Variants in EYS observed in about 807,000 individuals in gnomAD.
The protein encoded by EYS is EGF-like photoreceptor maintenance factor, also known as protein eyes shut homolog.
A neutral mutation model predicts 282.1 loss-of-function variants in EYS; 250 were observed. The observed-to-expected ratio is 0.89, with a 90% CI of 0.80 to 0.98. EYS has a LOEUF of 0.98. Ranked by LOEUF, EYS falls within the 50% of genes least tolerant of loss-of-function variation. The probability of loss-of-function intolerance (pLI) is 0.00; values close to 1 mark genes in which losing one functional copy is unlikely to be tolerated. For missense variants in EYS, 4,016 were observed against 3,709.0 expected (o/e 1.08, Z -2.15); for synonymous variants, 1,355 against 1,282.9 (o/e 1.06, Z -1.20).
intron 33 of EYS, among the ~76,000 whole-genome samples, chr6:64,040,816 G>A (rs945497369): frequency 2.0e-5 from 3 of 152,156 alleles, no homozygotes; most frequent in African/African-American, 7.2e-5. Flanking sequence ...TAGTTTGTCA[G>A]CTCCTTATCC....
intron 1 of EYS, among the ~76,000 whole-genome samples, chr6:65,662,696 G>T (rs60457378): frequency 0.16 from 23,916 of 152,052 alleles, 2,030 homozygotes; most frequent in South Asian, 0.3. Context: ...GAACCACAGT[G>T]TTGAAATGAC....
At chr6:64,115,430 AGGAT>A (rs1773347075) in intron 31 of EYS, among the ~76,000 whole-genome samples, 1 of 152,146 alleles carries the variant, frequency 6.6e-6, no homozygotes, top group Admixed American at 6.5e-5. Context: ...GGCACCAAGA[AGGAT>A]CCTTTTGGCC....
chr6:65,164,832 T>C (rs1175593724), intron 12 of EYS, among the ~76,000 whole-genome samples: 1 of 151,260 alleles, frequency 6.6e-6, no homozygotes, highest in Non-Finnish European at 1.5e-5. Flanking sequence ...ATTCTCGATG[T>C]ACAACCCCAG....
chr6:65,128,021 T>C (rs1315736615), intron 12 of EYS, among the ~76,000 whole-genome samples: 2 of 152,090 alleles, frequency 1.3e-5, no homozygotes, highest in Middle Eastern at 3.4e-3. Context: ...TGGAAGCAAT[T>C]GTCTTTCTGA....
intron 9 of EYS, among the ~76,000 whole-genome samples, chr6:65,348,105 T>C (rs975660118): frequency 6.6e-6 from 1 of 151,868 alleles, no homozygotes; most frequent in South Asian, 2.1e-4. Flanking sequence ...TTAGTAAATA[T>C]ACCATATTTC....
At chr6:65,567,871 C>T (rs961389713) in intron 2 of EYS, among the ~76,000 whole-genome samples, 2 of 152,004 alleles carry the variant, frequency 1.3e-5, no homozygotes, top group Non-Finnish European at 2.9e-5. Flanking sequence ...GCCTAATTAG[C>T]TTGCTAATGT....
chr6:64,218,997 G>A (rs1766013632), intron 31 of EYS, among the ~76,000 whole-genome samples: 1 of 152,292 alleles, frequency 6.6e-6, no homozygotes, highest in Admixed American at 6.5e-5. Flanking sequence ...GCTAAAGAGA[G>A]TTTGCAGGAT....
chr6:65,141,191 AG>A (rs970450079), intron 12 of EYS, among the ~76,000 whole-genome samples: 14 of 152,226 alleles, frequency 9.2e-5, no homozygotes, highest in African/African-American at 3.4e-4. Context: ...TGTCATTTGT[AG>A]GGACATGGAT....
At chr6:65,335,252 T>G (rs553417420) in intron 10 of EYS, 106 bp from the exon 11 acceptor site, 2 of 828,716 alleles carry the variant, frequency 2.4e-6, no homozygotes. Context: ...TCTACTAAGA[T>G]GAAACCTAGG....
chr6:65,008,167 A>C (rs1370145084), intron 13 of EYS, among the ~76,000 whole-genome samples: 1 of 152,160 alleles, frequency 6.6e-6, no homozygotes, highest in Non-Finnish European at 1.5e-5. Context: ...AACTAGGAAG[A>C]CTATGAATTA....
chr6:64,685,825 A>C (rs1027799322), intron 22 of EYS, among the ~76,000 whole-genome samples: 2 of 152,218 alleles, frequency 1.3e-5, no homozygotes, highest in African/African-American at 4.8e-5. Context: ...ATATATTTTC[A>C]GAATTGAATC....
chr6:63,727,753 T>TATATATATATATATATATA (rs1554164611), intron 41 of EYS, among the ~76,000 whole-genome samples: 2 of 104,534 alleles, frequency 1.9e-5, no homozygotes, highest in Non-Finnish European at 3.5e-5. Flanking sequence ...TATATATATG[T>TATATATATATATATATATA]TAGCTGGGCA....
At chr6:64,779,883 T>C (rs979077650) in intron 22 of EYS, among the ~76,000 whole-genome samples, 16 of 152,210 alleles carry the variant, frequency 1.1e-4, no homozygotes, top group Non-Finnish European at 2.1e-4. Flanking sequence ...ACTGGTTTAG[T>C]AATTACTAGT....
At chr6:64,434,613 A>G (rs1404503090) in intron 28 of EYS, among the ~76,000 whole-genome samples, 2 of 152,042 alleles carry the variant, frequency 1.3e-5, no homozygotes, top group African/African-American at 2.4e-5. Flanking sequence ...TGGGGCCTGT[A>G]GCTTCAAACT....
chr6:64,487,156 A>G (rs538666006), intron 26 of EYS, among the ~76,000 whole-genome samples: 1 of 151,348 alleles, frequency 6.6e-6, no homozygotes, highest in Admixed American at 6.6e-5. Context: ...CACTTAATCA[A>G]GAGAGACAGT....
Position 65,636,543 on chromosome 6 carries a change from A to G in EYS, c.-333+3235T>C, listed in dbSNP as rs564270474. Among the ~76,000 whole-genome samples, 3 of 152,292 alleles carry G rather than the reference A, an allele frequency of 2.0e-5. No individual in the cohort carries two copies. The East Asian group carries it at 5.8e-4, about 29-fold the overall frequency. ...AGCTCTTCCTTGACTATTCTGTATA[A>G]AACAGCCAACAATTAACCACTTCCC... On this transcript the variant is annotated intron_variant, in intron 2 of 42. Coordinates refer to ENST00000503581, the MANE Select transcript of EYS (RefSeq NM_001142800.2).
intron 30 of EYS, among the ~76,000 whole-genome samples, chr6:64,295,005 T>TAAA (rs1768863439): frequency 6.6e-6 from 1 of 152,024 alleles, no homozygotes; most frequent in Non-Finnish European, 1.5e-5. Flanking sequence ...TGGAACACAG[T>TAAA]TTTACATGAA....
At chr6:64,101,481 A>C (rs2150259256) in intron 31 of EYS, among the ~76,000 whole-genome samples, 1 of 152,326 alleles carries the variant, frequency 6.6e-6, no homozygotes, top group East Asian at 1.9e-4. Flanking sequence ...TAAAAGCAAA[A>C]CAAAATGAGA....
chr6:65,123,486 A>G (rs2150197470), intron 12 of EYS, among the ~76,000 whole-genome samples: 1 of 152,300 alleles, frequency 6.6e-6, no homozygotes, highest in African/African-American at 2.4e-5. Flanking sequence ...TCCACCAGGA[A>G]AGCAAAGAAA....
Sources: allele counts gnomAD v4.1 joint callset (sites outside exome capture counted in the v4.1 genomes callset), GRCh38; gene constraint gnomAD v4.1.1; transcripts MANE v1.5; gene names NCBI Gene and HGNC (gene_info 2026-07-23, HGNC 2026-07-21).